Variants in ACTN2 observed in about 807,000 individuals in gnomAD.
ACTN2 encodes alpha-actinin-2.
Under a neutral mutation model 113.8 loss-of-function variants are expected in ACTN2, and 39 were observed. The observed-to-expected ratio is 0.34, with a 90% CI of 0.27 to 0.45. The LOEUF is 0.45. Among genes scored for constraint, ACTN2 ranks in the 20% least tolerant of loss-of-function variants. ACTN2 has a pLI of 1.00. For missense variants in ACTN2, 992 were observed against 1,177.9 expected (o/e 0.84, Z 2.31); for synonymous variants, 429 against 444.1 (o/e 0.97, Z 0.43).
chr1:236,738,872 AT>A (rs1242981505), intron 9 of ACTN2, among the ~76,000 whole-genome samples: 2 of 152,174 alleles, frequency 1.3e-5, no homozygotes, highest in African/African-American at 4.8e-5. Flanking sequence ...ATTTGAGCTT[AT>A]TTTTTAAAAA....
chr1:236,724,619 GTC>G (rs1658494314), intron 4 of ACTN2, among the ~76,000 whole-genome samples: 1 of 152,232 alleles, frequency 6.6e-6, no homozygotes, highest in African/African-American at 2.4e-5. Context: ...CCTGAGAGGA[GTC>G]TCACGTCGCA....
intron 13 of ACTN2, 27 bp downstream of exon 13, chr1:236,747,802 A>C: frequency 6.5e-7 from 1 of 1,535,448 alleles, no homozygotes; most frequent in Non-Finnish European, 9.0e-7. Context: ...ACTTGTTGAC[A>C]TGAAATCTTT....
At chr1:236,687,002 T>C (rs967000188) in intron 1 of ACTN2, among the ~76,000 whole-genome samples, 7 of 151,598 alleles carry the variant, frequency 4.6e-5, no homozygotes, top group African/African-American at 1.2e-4. Context: ...GTCGTGTGTG[T>C]GCGCGCGCGC....
intron 7 of ACTN2, among the ~76,000 whole-genome samples, chr1:236,735,274 C>T (rs1658833497): frequency 1.3e-5 from 2 of 152,164 alleles, no homozygotes; most frequent in Admixed American, 1.3e-4. Flanking sequence ...GGCCGGGTGC[C>T]CTGATGCGGT....
At chr1:236,742,545 C>A (rs201565068) in intron 10 of ACTN2, among the ~76,000 whole-genome samples, 7 of 149,294 alleles carry the variant, frequency 4.7e-5, no homozygotes, top group East Asian at 2.0e-4. Context: ...TAAAAAAAAA[C>A]AAAACAATAA....
chr1:236,716,033 A>G (rs1273537267), intron 1 of ACTN2, among the ~76,000 whole-genome samples: 3 of 152,098 alleles, frequency 2.0e-5, no homozygotes, highest in African/African-American at 7.2e-5. Flanking sequence ...AAGCTTAGAC[A>G]TAATTGTTAG....
chr1:236,757,663 A>G lies in ACTN2; in HGVS notation c.2301+31A>G, dbSNP rs780201940. On this transcript the variant is annotated intron_variant, in intron 18 of 20. Transcript: ENST00000366578. ...ACTCTCTACTTATTTGAAGGGCAAT[A>G]CTGGGGACATTAAACAATGTATCTG... is the stretch of plus-strand genomic sequence containing the variant. 1.1e-5 allele frequency: 17 copies of G among 1,613,470 alleles called. No homozygotes were observed. The African/African-American group carries it at 1.9e-4, about 18-fold the overall frequency.
chr1:236,704,899 C>T (rs531634389), intron 1 of ACTN2, among the ~76,000 whole-genome samples: 25 of 152,298 alleles, frequency 1.6e-4, no homozygotes, highest in Admixed American at 8.5e-4. Context: ...GGAAAATCCC[C>T]ACAAGGCCTG....
At chr1:236,742,398 G>C (rs1659098070) in intron 10 of ACTN2, among the ~76,000 whole-genome samples, 2 of 151,270 alleles carry the variant, frequency 1.3e-5, no homozygotes, top group African/African-American at 2.4e-5. Context: ...ATTCACCCCA[G>C]TCACTGAATA....
chr1:236,708,905 T>G (rs76912173), intron 1 of ACTN2, among the ~76,000 whole-genome samples: 2,452 of 152,152 alleles, frequency 0.016, 20 homozygotes, highest in Middle Eastern at 0.058. Flanking sequence ...AGTCAGTGAT[T>G]TTTACGACAT....
At position 236,749,153 on chromosome 1, in the gene ACTN2, T is replaced by C. The variant is rs1200658616; in HGVS notation, c.1545T>C (p.Asp515=). 6.2e-7 allele frequency: 1 copy of C among 1,614,190 alleles called. No individual in the cohort carries two copies. Among genetic ancestry groups the C allele is most frequent in the Admixed American group, 1.7e-5 (1 of 60,018 alleles). ...TGGAGAAATTGCTAGAAACCATTGA[T>C]CAGCTTCACCTGGAGTTTGCCAAGA... is the stretch of plus-strand genomic sequence containing the variant. ...ERMEKLLETI[D]QLHLEFAKRA... Residue 515 remains aspartate, a synonymous_variant, in exon 14 of 21, where the codon GAT becomes GAC. Coordinates refer to ENST00000366578, the MANE Select transcript of ACTN2 (RefSeq NM_001103.4).
chr1:236,751,262 A>C (rs907766488), intron 14 of ACTN2, among the ~76,000 whole-genome samples: 1 of 152,216 alleles, frequency 6.6e-6, no homozygotes, highest in African/African-American at 2.4e-5. Context: ...CAATATTATT[A>C]ATAGTCATCA....
intron 2 of ACTN2, among the ~76,000 whole-genome samples, chr1:236,718,394 T>C (rs1006509777): frequency 6.6e-6 from 1 of 152,204 alleles, no homozygotes; most frequent in Non-Finnish European, 1.5e-5. Flanking sequence ...TGAATTTCAG[T>C]TGGCTGATTT....
chr1:236,747,175 C>T (rs766988644), intron 12 of ACTN2, among the ~76,000 whole-genome samples: 10 of 152,150 alleles, frequency 6.6e-5, no homozygotes, highest in South Asian at 2.1e-4. Flanking sequence ...ATTGAGCCTG[C>T]GGCATTAAGA....
chr1:236,721,044 T>TTTTTC (rs1224175748), intron 4 of ACTN2, among the ~76,000 whole-genome samples: 1 of 131,376 alleles, frequency 7.6e-6, no homozygotes, highest in African/African-American at 2.8e-5. Context: ...TTTTTTTTTT[T>TTTTTC]TGAGACGGAG....
chr1:236,686,843 T>TC, intron 1 of ACTN2, 44 bp downstream of exon 1: 1 of 1,367,076 alleles, frequency 7.3e-7, no homozygotes, highest in Non-Finnish European at 9.5e-7. Context: ...TGGGGCCGGG[T>TC]CCCCCGCGGG....
intron 12 of ACTN2, among the ~76,000 whole-genome samples, chr1:236,745,885 T>C (rs1287449510): frequency 2.6e-5 from 4 of 152,220 alleles, no homozygotes; most frequent in Admixed American, 6.5e-5. Context: ...ACGTTCTGGC[T>C]GGGCACAGTG....
chr1:236,706,851 G>A (rs1657837238), intron 1 of ACTN2, among the ~76,000 whole-genome samples: 1 of 152,206 alleles, frequency 6.6e-6, no homozygotes, highest in Admixed American at 6.5e-5. Context: ...GCGAATGCAG[G>A]CGCACCTGCT....
rs548873056 is a variant in ACTN2 at position 236,734,455 on chromosome 1, C to T, written c.698-1180C>T. Reference sequence around the variant, plus strand: ...CAGATTTAGTATACACTGCCAGACCCGATGAAAGAGCCATAATGACTTATG... The same window carrying T: ...CAGATTTAGTATACACTGCCAGACCTGATGAAAGAGCCATAATGACTTATG... On this transcript the variant is annotated intron_variant, in intron 7 of 20. Coordinates refer to ENST00000366578, the MANE Select transcript of ACTN2 (RefSeq NM_001103.4). 79 of 1,535,654 alleles carry T rather than the reference C, an allele frequency of 5.1e-5. No individual in the cohort carries two copies. The highest frequency in any genetic ancestry group is 6.6e-5 in the Non-Finnish European group (76 of 1,146,606).
Sources: allele counts gnomAD v4.1 joint callset (sites outside exome capture counted in the v4.1 genomes callset), GRCh38; gene constraint gnomAD v4.1.1; transcripts MANE v1.5; gene names NCBI Gene and HGNC (gene_info 2026-07-23, HGNC 2026-07-21).